Variants in TEX11 observed in about 807,000 individuals in gnomAD.
TEX11 encodes the protein testis-expressed protein 11.
TEX11 carries 7 observed loss-of-function variants against 84.4 expected under a neutral mutation model. That is an observed-to-expected ratio of 0.08 (90% CI 0.05 to 0.16). The LOEUF is 0.16. Ranked by LOEUF, TEX11 falls within the 10% of genes least tolerant of loss-of-function variation. The probability of loss-of-function intolerance (pLI) is 1.00; values close to 1 mark genes in which losing one functional copy is unlikely to be tolerated. For missense variants in TEX11, 551 were observed against 660.5 expected, an observed-to-expected ratio of 0.83 and a Z score of 1.82; for synonymous variants, 264 against 222.8, an observed-to-expected ratio of 1.18 and a Z score of -1.64.
intron 25 of TEX11, among the ~76,000 whole-genome samples, chrX:70,565,014 C>T: frequency 1.9e-5 from 2 of 106,277 alleles, no homozygotes. Context: ...AGTTTACAGT[C>T]CCACCAACAG....
chrX:70,791,919 A>C (rs2091120500), intron 9 of TEX11, among the ~76,000 whole-genome samples: 1 of 110,308 alleles, frequency 9.1e-6, no homozygotes, highest in Non-Finnish European at 1.9e-5. Flanking sequence ...TGAGGTCAGG[A>C]GTTGAAGACC....
chrX:70,542,721 G>A (rs186023540), intron 28 of TEX11, among the ~76,000 whole-genome samples: 374 of 111,727 alleles, frequency 3.3e-3, no homozygotes, highest in Non-Finnish European at 5.2e-3. Context: ...ACTTGATAAA[G>A]GTTATCTGCT....
intron 8 of TEX11, among the ~76,000 whole-genome samples, chrX:70,812,775 A>T (rs1359097478): frequency 1.8e-5 from 2 of 111,691 alleles, no homozygotes; most frequent in Non-Finnish European, 3.8e-5. Context: ...ATCACCACCG[A>T]TCCCACAGAA....
At chrX:70,745,195 G>A (rs1009360881) in intron 9 of TEX11, among the ~76,000 whole-genome samples, 1 of 109,466 alleles carries the variant, frequency 9.1e-6, no homozygotes, top group African/African-American at 3.3e-5. Flanking sequence ...TGAGGGTGAG[G>A]GGTTGGGGAG....
chrX:70,861,039 TA>T, intron 4 of TEX11, 103 bp from the exon 5 acceptor site: 1 of 509,426 alleles, frequency 2.0e-6, no homozygotes, highest in South Asian at 3.4e-5. Context: ...TTGTTGTTAT[TA>T]AAAATAAAAA....
chrX:70,811,261 T>C (rs2091252296), intron 8 of TEX11, among the ~76,000 whole-genome samples: 1 of 106,542 alleles, frequency 9.4e-6, no homozygotes, highest in South Asian at 4.3e-4. Context: ...CACCTATGAG[T>C]GAGAACATGC....
intron 13 of TEX11, among the ~76,000 whole-genome samples, chrX:70,714,585 G>A (rs2090477544): frequency 9.0e-6 from 1 of 111,512 alleles, no homozygotes; most frequent in African/African-American, 3.3e-5. Flanking sequence ...TTGGTTTAAA[G>A]TCTGTATTAT....
At chrX:70,593,378 A>T (rs2147500968) in intron 24 of TEX11, among the ~76,000 whole-genome samples, 1 of 112,114 alleles carries the variant, frequency 8.9e-6, no homozygotes, top group African/African-American at 3.2e-5. Flanking sequence ...CAAATAAAGA[A>T]GCAAACATTA....
At chrX:70,750,748 A>C (rs1172953479) in intron 9 of TEX11, among the ~76,000 whole-genome samples, 1 of 99,239 alleles carries the variant, frequency 1.0e-5, no homozygotes, top group African/African-American at 3.6e-5. Context: ...AGGAAGGGGA[A>C]TATCACACTC....
intron 7 of TEX11, among the ~76,000 whole-genome samples, chrX:70,837,202 C>T (rs1049967499): frequency 1.8e-5 from 2 of 111,803 alleles, no homozygotes; most frequent in Non-Finnish European, 3.8e-5. Context: ...AACCCAAATT[C>T]TTTCAATGGT....
chrX:70,802,453 G>GTA (rs950291135), intron 9 of TEX11, among the ~76,000 whole-genome samples: 34 of 110,505 alleles, frequency 3.1e-4, no homozygotes, highest in African/African-American at 6.5e-4. Context: ...ATTTCACAGT[G>GTA]TATATATATA....
chrX:70,585,165 A>G (rs2088837036), intron 25 of TEX11, among the ~76,000 whole-genome samples: 1 of 112,369 alleles, frequency 8.9e-6, no homozygotes, highest in African/African-American at 3.2e-5. Flanking sequence ...AGAAAGCTAC[A>G]AATTCGGCAA....
At chrX:70,775,072 A>G (rs1229797799) in intron 9 of TEX11, among the ~76,000 whole-genome samples, 1 of 112,313 alleles carries the variant, frequency 8.9e-6, no homozygotes, top group Non-Finnish European at 1.9e-5. Flanking sequence ...CTAATTTTTG[A>G]CAAAGCAATC....
chrX:70,528,637 C>A (rs1021416884), downstream of TEX11, among the ~76,000 whole-genome samples: 9 of 110,879 alleles, frequency 8.1e-5, no homozygotes, highest in Non-Finnish European at 1.1e-4. Flanking sequence ...GGAATAAGTT[C>A]TGTTAGAAAC....
chrX:70,609,183 T>A lies in TEX11; in HGVS notation c.1793-6A>T. On this transcript the variant is annotated splice_polypyrimidine_tract_variant and splice_region_variant and intron_variant, in intron 21 of 29. Transcript: ENST00000374333. ...CTGAGAAAGTTTCACAAAGGCTGCA[T>A]CAAACAGGAAAATTTGATACTGATG... 2 of 1,203,508 alleles carry A rather than the reference T, an allele frequency of 1.7e-6. No homozygotes were observed. Among genetic ancestry groups the A allele is most frequent in the Non-Finnish European group, 2.2e-6 (2 of 890,830 alleles).
At chrX:70,518,994 G>A in the TEX11 span, among the ~76,000 whole-genome samples, 1 of 111,254 alleles carries the variant, frequency 9.0e-6, no homozygotes, top group Non-Finnish European at 1.9e-5. Context: ...TTTATTTTGT[G>A]CCTATGTGTG....
intron 15 of TEX11, among the ~76,000 whole-genome samples, chrX:70,676,241 A>G (rs907986014): frequency 6.2e-5 from 7 of 112,309 alleles, no homozygotes; most frequent in Admixed American, 9.4e-5. Context: ...CAAAAGTGAA[A>G]ATGCTGCATC....
intron 5 of TEX11, among the ~76,000 whole-genome samples, chrX:70,854,285 C>T (rs896454857): frequency 1.2e-4 from 13 of 110,248 alleles, no homozygotes; most frequent in Non-Finnish European, 2.3e-4. Context: ...TAGGGATCAA[C>T]AAAGCCCAAA....
At chrX:70,748,554 G>T (rs953223713) in intron 9 of TEX11, among the ~76,000 whole-genome samples, 1 of 110,666 alleles carries the variant, frequency 9.0e-6, no homozygotes, top group Non-Finnish European at 1.9e-5. Flanking sequence ...ATGGTTTTAG[G>T]TCTAACATTT....
Sources: allele counts gnomAD v4.1 joint callset (sites outside exome capture counted in the v4.1 genomes callset), GRCh38; gene constraint gnomAD v4.1.1; transcripts MANE v1.5; gene names NCBI Gene and HGNC (gene_info 2026-07-23, HGNC 2026-07-21).